Variants in VANGL2 observed in about 807,000 individuals in gnomAD.
VANGL2 encodes the protein VANGL planar cell polarity protein 2.
Under a neutral mutation model 50.2 loss-of-function variants are expected in VANGL2, and 14 were observed. That is an observed-to-expected ratio of 0.28 (90% confidence interval 0.18 to 0.44). The LOEUF is 0.44. VANGL2 is among the 20% of genes least tolerant of loss of function. VANGL2 has a pLI of 1.00. For synonymous variants in VANGL2, 295 were observed against 297.2 expected (o/e 0.99, Z 0.08); for missense variants, 533 against 701.5 (o/e 0.76, Z 2.71).
chr1:160,416,490 C>T (rs1260936938), intron 3 of VANGL2, among the ~76,000 whole-genome samples: 1 of 152,068 alleles, frequency 6.6e-6, no homozygotes, highest in African/African-American at 2.4e-5. Flanking sequence ...CAGTCAGGCC[C>T]GCTGGGAGTC....
In VANGL2 at chr1:160,426,155, G is replaced by A. The variant is rs1370170173; in HGVS notation, c.*777G>A. On this transcript the variant is annotated 3_prime_UTR_variant, in exon 8 of 8. Coordinates refer to ENST00000368061, the MANE Select transcript of VANGL2 (RefSeq NM_020335.3). ...TGTCTTCCTAGGCAGCCCCTGAGGA[G>A]GAGGGCTGAATAGATCCCTGAGGTT... is the stretch of plus-strand genomic sequence containing the variant. 1 of 152,230 alleles carries A rather than the reference G, an allele frequency of 6.6e-6. No homozygotes were observed. The highest frequency in any genetic ancestry group is 2.4e-5 in the African/African-American group (1 of 41,398). 9.4% of individuals were successfully genotyped at this position (152,230 alleles called of 1,614,324 possible). A position where few individuals can be genotyped will look rare whatever the true frequency, so the allele number is the denominator to read the frequency against.
chr1:160,420,945 G>T lies in VANGL2; in HGVS notation c.938-107G>T, dbSNP rs1239902790. Reference sequence around the variant, plus strand: ...GATTAGGAGGTATTGCTGGGTGGTGGGAACAGCTTCTTCTGGACATGTCAG... The same window carrying T: ...GATTAGGAGGTATTGCTGGGTGGTGTGAACAGCTTCTTCTGGACATGTCAG... On this transcript the variant is annotated intron_variant, in intron 5 of 7. Coordinates refer to ENST00000368061, the MANE Select transcript of VANGL2 (RefSeq NM_020335.3). The T allele has an allele frequency of 2.6e-6, 4 of 1,524,744 alleles. No individual in the cohort carries two copies. The East Asian group carries it at 7.2e-5, about 27-fold the overall frequency. The allele number at this position is 1,524,744 out of a possible 1,614,324, so 94.5% of individuals were successfully genotyped here.
rs1011288935 is a variant in VANGL2, at chr1:160,427,472, C to T, written c.*2094C>T. ...CCTAAAAAAAATTTTTTGCCTCCAA[C>T]TCTCTAAGCACTAAGGGCTGTGCCT... On this transcript the variant is annotated 3_prime_UTR_variant, in exon 8 of 8. Transcript: ENST00000368061. 2.0e-5 allele frequency: 3 copies of T among 152,260 alleles called. No homozygotes were observed. Among genetic ancestry groups the T allele is most frequent in the Non-Finnish European group, 4.4e-5 (3 of 67,974 alleles). The allele number at this position is 152,260 out of a possible 1,614,324, so 9.4% of individuals were successfully genotyped here. A position where few individuals can be genotyped will look rare whatever the true frequency, so the allele number is the denominator to read the frequency against.
intron 1 of VANGL2, among the ~76,000 whole-genome samples, chr1:160,403,389 G>A (rs1188547926): frequency 6.6e-6 from 1 of 152,162 alleles, no homozygotes; most frequent in African/African-American, 2.4e-5. Context: ...TCCAGATTGG[G>A]AGTCAGTGGC....
At chr1:160,414,399 A>G (rs1044707087) in intron 1 of VANGL2, among the ~76,000 whole-genome samples, 1 of 152,046 alleles carries the variant, frequency 6.6e-6, no homozygotes, top group Non-Finnish European at 1.5e-5. Flanking sequence ...CTCCATGGGC[A>G]TTTTCCTGCA....
chr1:160,420,261 A>G (rs1255893030), intron 4 of VANGL2, 150 bp from the exon 5 acceptor site: 2 of 999,968 alleles, frequency 2.0e-6, no homozygotes, highest in Middle Eastern at 3.1e-4. Context: ...CCTGGTAAGT[A>G]GACCTCAGGC....
At position 160,425,689 on chromosome 1, in the gene VANGL2, T is replaced by C. The variant is rs1482045828; in HGVS notation, c.*311T>C. The C allele has an allele frequency of 2.3e-5, 7 of 307,244 alleles. No individual in the cohort carries two copies. Among genetic ancestry groups the C allele is most frequent in the African/African-American group, 1.5e-4 (7 of 46,990 alleles). The allele number at this position is 307,244 out of a possible 1,614,324, so 19.0% of individuals were successfully genotyped here. ...TTCTTTCCCTAGTCTTTTCCCAGAT[T>C]ACAGTCTCTCCTGAAAGGGCACAGG... On this transcript the variant is annotated 3_prime_UTR_variant, in exon 8 of 8. Transcript: ENST00000368061.
At chr1:160,412,806 C>T (rs536895166) in intron 1 of VANGL2, among the ~76,000 whole-genome samples, 4 of 152,332 alleles carry the variant, frequency 2.6e-5, no homozygotes, top group South Asian at 2.1e-4. Flanking sequence ...GAGAGGCATA[C>T]AGTCATGGAT....
In VANGL2 at chr1:160,401,234, G is replaced by A. The variant is rs568686313; in HGVS notation, c.-191+365G>A. On this transcript the variant is annotated intron_variant, in intron 1 of 7. Transcript: ENST00000368061. ...GGGGAGCTTGTGTTGGAGGTGGGGG[G>A]AGAGGCGTGGAAGGATCGGAGTCTG... Among the ~76,000 whole-genome samples, 16 of 152,290 alleles carry A rather than the reference G, an allele frequency of 1.1e-4. No individual in the cohort carries two copies. In the South Asian group the frequency reaches 3.3e-3, roughly 32 times the overall value.
At position 160,405,376 on chromosome 1, in the gene VANGL2, T is replaced by C. The variant is rs1650617947; in HGVS notation, c.-191+4507T>C. On this transcript the variant is annotated intron_variant, in intron 1 of 7. Coordinates refer to ENST00000368061, the MANE Select transcript of VANGL2 (RefSeq NM_020335.3). Reference sequence around the variant, plus strand: ...GGGCAGCCCTCTCTCACCTTCTCTGTTGTAGTCTGGATAGAACTGTGGTGG... The same window carrying C: ...GGGCAGCCCTCTCTCACCTTCTCTGCTGTAGTCTGGATAGAACTGTGGTGG... Among the ~76,000 whole-genome samples the C allele has an allele frequency of 2.6e-5, 4 of 152,160 alleles. No individual in the cohort carries two copies. The South Asian group carries it at 8.3e-4, about 31-fold the overall frequency.
intron 6 of VANGL2, among the ~76,000 whole-genome samples, chr1:160,423,178 T>G (rs936186189): frequency 6.6e-6 from 1 of 152,226 alleles, no homozygotes; most frequent in Non-Finnish European, 1.5e-5. Context: ...AGTGCTGGGA[T>G]TATAGGCATG....
At chr1:160,403,729 T>C (rs533063077) in intron 1 of VANGL2, among the ~76,000 whole-genome samples, 3 of 152,110 alleles carry the variant, frequency 2.0e-5, no homozygotes, top group Non-Finnish European at 2.9e-5. Context: ...GGAGTCAGAG[T>C]TGGTTGGAAT....
chr1:160,413,219 C>T (rs1190908675), intron 1 of VANGL2, among the ~76,000 whole-genome samples: 1 of 151,870 alleles, frequency 6.6e-6, no homozygotes, highest in Non-Finnish European at 1.5e-5. Flanking sequence ...ATTGCTTATT[C>T]TCAAATTACT....
In VANGL2 at chr1:160,419,794, C is replaced by T. The variant is rs1423627897; in HGVS notation, c.800+185C>T. On this transcript the variant is annotated intron_variant, in intron 4 of 7. Coordinates refer to ENST00000368061, the MANE Select transcript of VANGL2 (RefSeq NM_020335.3). This position sits in a 1 kb window ranked among gnomAD's most constrained non-coding sequence, Gnocchi z 5.8. ...ATGTTTGCTGCTTGATAGGCAGGTT[C>T]ATGTACACGGTCTTGGGGCAAGATC... Among the ~76,000 whole-genome samples the T allele has an allele frequency of 6.7e-6, 1 of 150,042 alleles. No homozygotes were observed. Among genetic ancestry groups the T allele is most frequent in the Non-Finnish European group, 1.5e-5 (1 of 67,882 alleles).
In VANGL2 at chr1:160,419,013, G is replaced by C; in HGVS notation, c.204G>C (p.Trp68Cys). The change falls in exon 4 of 8, where the codon TGG becomes TGC. Residue 68 changes from tryptophan (W) to cysteine (C), a missense_variant. Trp to Cys is a radical substitution (Grantham distance 215, BLOSUM62 -2). Coordinates refer to ENST00000368061, the MANE Select transcript of VANGL2 (RefSeq NM_020335.3). The surrounding 1 kb of genome is among the most constrained non-coding windows in gnomAD (Gnocchi z 5.8). Reference sequence around the variant, plus strand: ...CCTTCTGCCTGTAGGATGACAACTGGGGGGAAACGACGACAGTAGTAACGG... The same window carrying C: ...CCTTCTGCCTGTAGGATGACAACTGCGGGGAAACGACGACAGTAGTAACGG... The part of the protein sequence containing the change: ...STRGDERDDN[W>C]GETTTVVTGT... 6.2e-7 allele frequency: 1 copy of C among 1,606,078 alleles called. No individual in the cohort carries two copies. The highest frequency in any genetic ancestry group is 2.2e-5 in the East Asian group (1 of 44,614).
At chr1:160,407,483 A>G (rs1487793420) in intron 1 of VANGL2, among the ~76,000 whole-genome samples, 1 of 151,568 alleles carries the variant, frequency 6.6e-6, no homozygotes, top group African/African-American at 2.4e-5. Flanking sequence ...CTTCCCTCAC[A>G]CTCCATCCTC....
In VANGL2 at chr1:160,419,315, G is replaced by A. The variant is rs1187014622; in HGVS notation, c.506G>A (p.Arg169His). The A allele has an allele frequency of 4.4e-6, 7 of 1,608,994 alleles. No individual in the cohort carries two copies. Among genetic ancestry groups the A allele is most frequent in the Non-Finnish European group, 5.9e-6 (7 of 1,179,990 alleles). ...CTGGGCAGCTGGGCTCTGTTCTTCCGCCGGCCCAAGGCCTCGCTGCCCCGC... is the reference window on the plus strand; with the variant it reads ...CTGGGCAGCTGGGCTCTGTTCTTCCACCGGCCCAAGGCCTCGCTGCCCCGC... ...LLLGSWALFF[R>H]RPKASLPRVF... Residue 169 changes from arginine to histidine, a missense_variant, in exon 4 of 8, where the codon CGC becomes CAC. Arg to His is a conservative substitution (Grantham distance 29, BLOSUM62 0). Transcript: ENST00000368061. This position sits in a 1 kb window ranked among gnomAD's most constrained non-coding sequence, Gnocchi z 5.8.
chr1:160,414,482 C>T (rs1650986122), intron 1 of VANGL2, among the ~76,000 whole-genome samples: 1 of 152,182 alleles, frequency 6.6e-6, no homozygotes, highest in Admixed American at 6.5e-5. Flanking sequence ...CTTTCTAGAA[C>T]CGCTAAGTTT....
Position 160,415,809 on chromosome 1 carries a change from A to C in VANGL2, c.-29A>C. On this transcript the variant is annotated 5_prime_UTR_variant, in exon 2 of 8. Transcript: ENST00000368061. ...AAGAGGCCCCAGCCTGCGGCCCTGGAGCGCTACAAGGCGCGGCGTTCAGAC... is the reference window on the plus strand; with the variant it reads ...AAGAGGCCCCAGCCTGCGGCCCTGGCGCGCTACAAGGCGCGGCGTTCAGAC... 1 of 1,606,260 alleles carries C rather than the reference A, an allele frequency of 6.2e-7. No individual in the cohort carries two copies. The highest frequency in any genetic ancestry group is 8.5e-7 in the Non-Finnish European group (1 of 1,177,184).
Sources: gnomAD v4.1 joint callset for allele counts (sites outside exome capture counted in the v4.1 genomes callset) on GRCh38, gnomAD v4.1.1 for gene constraint, Gnocchi (gnomAD v3.1) non-coding constraint, MANE v1.5 for transcripts, NCBI Gene and HGNC (gene_info 2026-07-23, HGNC 2026-07-21) for gene names.